The following LRMDA variants were observed in gnomAD, a reference collection of about 807,000 sequenced individuals.
LRMDA encodes leucine rich melanocyte differentiation associated, also known as leucine-rich melanocyte differentiation-associated protein.
Under a neutral mutation model 29.8 loss-of-function variants are expected in LRMDA, and 18 were observed. The observed-to-expected ratio is 0.60, with a 90% CI of 0.42 to 0.90. The LOEUF is 0.90. Among genes scored for constraint, LRMDA ranks in the 40% least tolerant of loss-of-function variants. LRMDA has a pLI of 0.00. For synonymous variants in LRMDA, 125 were observed against 109.4 expected, an observed-to-expected ratio of 1.14 and a Z score of -0.89; for missense variants, 273 against 273.9, an observed-to-expected ratio of 1.00 and a Z score of 0.02.
intron 2 of LRMDA, among the ~76,000 whole-genome samples, chr10:75,866,416 C>A (rs373682024): frequency 1.3e-5 from 2 of 152,220 alleles, no homozygotes; most frequent in East Asian, 1.9e-4. Context: ...CTTCAGACAT[C>A]CAAGTACCTG....
intron 2 of LRMDA, among the ~76,000 whole-genome samples, chr10:75,688,751 C>G (rs1842111478): frequency 6.6e-6 from 1 of 152,150 alleles, no homozygotes; most frequent in African/African-American, 2.4e-5. Flanking sequence ...GCAATCTTCA[C>G]TGTTGTCTTT....
intron 2 of LRMDA, among the ~76,000 whole-genome samples, chr10:75,493,316 C>T (rs1320354249): frequency 2.1e-5 from 3 of 142,962 alleles, no homozygotes; most frequent in South Asian, 2.2e-4. Flanking sequence ...TTGGGATCTC[C>T]GTGAAGAGAG....
intron 6 of LRMDA, among the ~76,000 whole-genome samples, chr10:76,466,077 T>C (rs891935033): frequency 2.6e-5 from 4 of 152,260 alleles, no homozygotes; most frequent in African/African-American, 9.6e-5. Context: ...CAAACAGATA[T>C]AGGAGGACTG....
intron 5 of LRMDA, among the ~76,000 whole-genome samples, chr10:76,213,028 G>T (rs1851664284): frequency 6.6e-6 from 1 of 152,174 alleles, no homozygotes; most frequent in Non-Finnish European, 1.5e-5. Context: ...TCACCATTTT[G>T]TGAACTGTGC....
At chr10:76,282,469 C>T (rs1049842570) in intron 5 of LRMDA, among the ~76,000 whole-genome samples, 3 of 152,146 alleles carry the variant, frequency 2.0e-5, no homozygotes, top group African/African-American at 4.8e-5. Context: ...TATATACCCA[C>T]GATCCATAGC....
At chr10:75,477,347 T>C (rs779899047) in intron 2 of LRMDA, among the ~76,000 whole-genome samples, 1 of 152,174 alleles carries the variant, frequency 6.6e-6, no homozygotes, top group Non-Finnish European at 1.5e-5. Flanking sequence ...CTGTCTCCCA[T>C]TCTGAGAATC....
At chr10:76,392,163 A>G (rs923783896) in intron 6 of LRMDA, among the ~76,000 whole-genome samples, 1 of 152,110 alleles carries the variant, frequency 6.6e-6, no homozygotes, top group Non-Finnish European at 1.5e-5. Context: ...GATAATTTGC[A>G]TTAATATATT....
intron 2 of LRMDA, among the ~76,000 whole-genome samples, chr10:75,977,809 C>T (rs543709360): frequency 1.1e-3 from 166 of 152,302 alleles, no homozygotes; most frequent in African/African-American, 3.8e-3. Flanking sequence ...GAGAACTCAT[C>T]TTCTGGTGTC....
At chr10:76,507,280 TA>T (rs530931979) in intron 6 of LRMDA, among the ~76,000 whole-genome samples, 100 of 150,968 alleles carry the variant, frequency 6.6e-4, no homozygotes, top group East Asian at 1.2e-3. Context: ...TTTTGCCCAT[TA>T]AAAAAAAATC....
chr10:76,497,151 G>T, intron 6 of LRMDA, among the ~76,000 whole-genome samples: 1 of 75,550 alleles, frequency 1.3e-5, no homozygotes. Context: ...TTACTTCCTT[G>T]TTATCTCTTC....
At chr10:75,932,436 A>T (rs1343585382) in intron 2 of LRMDA, among the ~76,000 whole-genome samples, 2 of 152,114 alleles carry the variant, frequency 1.3e-5, no homozygotes, top group Admixed American at 1.3e-4. Flanking sequence ...ACATGGGGAG[A>T]CTTCTGGTCT....
At chr10:75,499,291 G>T (rs976292352) in intron 2 of LRMDA, among the ~76,000 whole-genome samples, 3 of 152,156 alleles carry the variant, frequency 2.0e-5, no homozygotes, top group African/African-American at 7.2e-5. Context: ...CTAGTCCGTG[G>T]AATTCATCTC....
intron 2 of LRMDA, among the ~76,000 whole-genome samples, chr10:75,985,793 C>T (rs545599512): frequency 1.3e-5 from 2 of 152,122 alleles, no homozygotes; most frequent in African/African-American, 4.8e-5. Context: ...GATGTGAATG[C>T]ACACTGGGCA....
chr10:75,807,078 T>A (rs1353804344), intron 2 of LRMDA, among the ~76,000 whole-genome samples: 1 of 152,106 alleles, frequency 6.6e-6, no homozygotes, highest in Non-Finnish European at 1.5e-5. Flanking sequence ...GGAATCCCTG[T>A]GGGGGGTGAG....
At chr10:76,091,592 G>T (rs1386628368) in intron 5 of LRMDA, among the ~76,000 whole-genome samples, 1 of 151,970 alleles carries the variant, frequency 6.6e-6, no homozygotes, top group Non-Finnish European at 1.5e-5. Flanking sequence ...GTCACTTGGG[G>T]GTGCTCAGTC....
At position 75,635,631 on chromosome 10, in the gene LRMDA, C is replaced by T. The variant is rs144838851; in HGVS notation, c.131+197137C>T. 5.0e-4 allele frequency among the ~76,000 whole-genome samples: 76 copies of T among 151,986 alleles called. 1 individual carries two copies. The East Asian group carries it at 0.014, about 29-fold the overall frequency. On this transcript the variant is annotated intron_variant, in intron 2 of 6. Transcript: ENST00000611255. ...TGGAATGTTTCTGGTTCTACAGTTA[C>T]AGGGATTGATGAAAAAAGATGCATT...
chr10:76,132,099 G>C (rs1228459925), intron 5 of LRMDA, among the ~76,000 whole-genome samples: 1 of 152,144 alleles, frequency 6.6e-6, no homozygotes, highest in Non-Finnish European at 1.5e-5. Context: ...TGTGAGGTTG[G>C]TTAAGAGGAG....
chr10:75,709,927 A>G (rs992213184), intron 2 of LRMDA, among the ~76,000 whole-genome samples: 2 of 152,184 alleles, frequency 1.3e-5, no homozygotes, highest in African/African-American at 4.8e-5. Context: ...TGCTTAGCTC[A>G]TATCACATTG....
At chr10:75,433,318 G>T (rs1294013611) in intron 1 of LRMDA, among the ~76,000 whole-genome samples, 1 of 152,052 alleles carries the variant, frequency 6.6e-6, no homozygotes, top group Non-Finnish European at 1.5e-5. Flanking sequence ...TCCTAGATTC[G>T]ATTTTTCCTG....
Sources: allele counts gnomAD v4.1 joint callset (sites outside exome capture counted in the v4.1 genomes callset), GRCh38; gene constraint gnomAD v4.1.1; transcripts MANE v1.5; gene names NCBI Gene and HGNC (gene_info 2026-07-23, HGNC 2026-07-21).